STS: variants seen among roughly 807,000 people sequenced by gnomAD.
STS encodes the protein steryl-sulfatase.
Under a neutral mutation model 26.8 loss-of-function variants are expected in STS, and 7 were observed. The observed-to-expected ratio is 0.26, with a 90% CI of 0.15 to 0.49. The LOEUF (loss-of-function observed/expected upper bound fraction) is 0.49, where lower values mean the gene tolerates loss of function less well. Ranked by LOEUF, STS falls within the 20% of genes least tolerant of loss-of-function variation. STS has a pLI of 0.98. For missense variants in STS, 434 were observed against 465.6 expected, an observed-to-expected ratio of 0.93 and a Z score of 0.63; for synonymous variants, 199 against 189.4, an observed-to-expected ratio of 1.05 and a Z score of -0.42.
chrX:7,300,494 A>G (rs1439295667), intron 7 of STS, among the ~76,000 whole-genome samples: 3 of 112,088 alleles, frequency 2.7e-5, no homozygotes, highest in Non-Finnish European at 3.8e-5. Flanking sequence ...GGAGGGAAAC[A>G]TGTTAGACCT....
chrX:7,181,113 G>T (rs920939481), intron 1 of STS, among the ~76,000 whole-genome samples: 2 of 112,055 alleles, frequency 1.8e-5, no homozygotes, highest in Non-Finnish European at 3.8e-5. Flanking sequence ...AAACACAGTA[G>T]TCCTTAACCA....
chrX:7,151,273 T>C (rs1338584390), intron 1 of STS, among the ~76,000 whole-genome samples: 1 of 111,945 alleles, frequency 8.9e-6, no homozygotes, highest in African/African-American at 3.3e-5. Flanking sequence ...TGCCCTGTTA[T>C]TCTCTTTACT....
At chrX:7,267,152 T>C (rs1029599540) in intron 6 of STS, among the ~76,000 whole-genome samples, 1 of 112,045 alleles carries the variant, frequency 8.9e-6, no homozygotes, top group Non-Finnish European at 1.9e-5. Flanking sequence ...GGTAGACTTA[T>C]TGAGTGAGGA....
intron 2 of STS, among the ~76,000 whole-genome samples, chrX:7,214,939 A>C (rs949123754): frequency 1.1e-5 from 1 of 94,830 alleles, no homozygotes; most frequent in South Asian, 4.6e-4. Context: ...GTGTATATAT[A>C]TATACATATA....
chrX:7,164,987 T>C (rs1165340278), intron 1 of STS, among the ~76,000 whole-genome samples: 1 of 110,327 alleles, frequency 9.1e-6, no homozygotes, highest in Non-Finnish European at 1.9e-5. Flanking sequence ...GATTGTACCA[T>C]TGCACTCTAG....
intron 2 of STS, among the ~76,000 whole-genome samples, chrX:7,226,305 T>C (rs1442813563): frequency 8.9e-6 from 1 of 112,158 alleles, no homozygotes; most frequent in Non-Finnish European, 1.9e-5. Flanking sequence ...GAGATTCTTA[T>C]GTGTTGTTGC....
intron 7 of STS, among the ~76,000 whole-genome samples, chrX:7,282,387 G>A (rs1479282912): frequency 8.9e-6 from 1 of 111,840 alleles, no homozygotes; most frequent in African/African-American, 3.2e-5. Context: ...TTTTTGTAGA[G>A]ACAAGGTCTC....
chrX:7,175,357 G>A (rs567980402), intron 1 of STS, among the ~76,000 whole-genome samples: 2 of 110,338 alleles, frequency 1.8e-5, no homozygotes, highest in East Asian at 2.9e-4. Context: ...AGCCAGACAT[G>A]GTGGTACGTG....
At chrX:7,344,155 G>A (rs1307057799) in intron 10 of STS, among the ~76,000 whole-genome samples, 2 of 112,028 alleles carry the variant, frequency 1.8e-5, no homozygotes. Flanking sequence ...TTTGTGCTAT[G>A]ATAACTATTA....
intron 2 of STS, among the ~76,000 whole-genome samples, chrX:7,251,056 CTG>C (rs1476621262): frequency 8.9e-6 from 1 of 112,362 alleles, no homozygotes; most frequent in African/African-American, 3.2e-5. Flanking sequence ...ACATGCAAAT[CTG>C]TGTGTCTGTC....
rs148936399 is a variant in STS, at chrX:7,344,966, G to A, written c.1364-4922G>A. Among the ~76,000 whole-genome samples the A allele has an allele frequency of 3.3e-3, 365 of 111,161 alleles. 9 individuals are homozygous for A. In the East Asian group the frequency reaches 0.076, roughly 23 times the overall value. Reference sequence around the variant, plus strand: ...AGTGTCCTGGGGTCTGGACTGTGCCGAGCTGTGTTATGGACTGTTGTGACT... The same window carrying A: ...AGTGTCCTGGGGTCTGGACTGTGCCAAGCTGTGTTATGGACTGTTGTGACT... On this transcript the variant is annotated intron_variant, in intron 10 of 10. Coordinates refer to ENST00000674429, the MANE Select transcript of STS (RefSeq NM_001320752.2).
At chrX:7,283,112 G>T (rs181389353) in intron 7 of STS, among the ~76,000 whole-genome samples, 34 of 111,945 alleles carry the variant, frequency 3.0e-4, no homozygotes, top group Admixed American at 3.0e-3. Context: ...ATTTCCCTTG[G>T]GGTGTAATGC....
rs1928929417 is a variant in STS at position 7,354,476 on chromosome X, C to T, written c.*4215C>T. 1 of 111,803 alleles carries T rather than the reference C, an allele frequency of 8.9e-6. No homozygotes were observed. Among genetic ancestry groups the T allele is most frequent in the African/African-American group, 3.3e-5 (1 of 30,744 alleles). The allele number at this position is 111,803 out of a possible 1,213,427, so 9.2% of individuals were successfully genotyped here. On this transcript the variant is annotated 3_prime_UTR_variant, in exon 11 of 11. Transcript: ENST00000674429. ...GACAACATGAAACCTATTGGGACAG[C>T]ATGACTGTGCAGGGTCTTTAGAGCT...
chrX:7,324,008 C>G (rs1261692133), intron 8 of STS, among the ~76,000 whole-genome samples: 2 of 112,000 alleles, frequency 1.8e-5, no homozygotes, highest in Non-Finnish European at 3.8e-5. Flanking sequence ...GAGATTCATT[C>G]TGAGCCAAGT....
chrX:7,185,816 A>G lies in STS; in HGVS notation c.-133-5064A>G, dbSNP rs530762572. On this transcript the variant is annotated intron_variant, in intron 1 of 10. Coordinates refer to ENST00000674429, the MANE Select transcript of STS (RefSeq NM_001320752.2). Reference sequence around the variant, plus strand: ...TCAGGAAATTCCTATTTGCATGATGATGAATAGGTAAATTGAGTTAACATT... The same window carrying G: ...TCAGGAAATTCCTATTTGCATGATGGTGAATAGGTAAATTGAGTTAACATT... Among the ~76,000 whole-genome samples, 82 of 112,583 alleles carry G rather than the reference A, an allele frequency of 7.3e-4. 1 individual carries two copies. The highest frequency in any genetic ancestry group is 2.5e-3 in the African/African-American group (79 of 31,065).
intron 8 of STS, among the ~76,000 whole-genome samples, chrX:7,319,621 G>A (rs765293486): frequency 2.2e-4 from 24 of 110,098 alleles, no homozygotes; most frequent in African/African-American, 7.6e-4. Flanking sequence ...GGGAGGGTAC[G>A]AAATTCGCTC....
At chrX:7,214,972 GTATA>G (rs1471638743) in intron 2 of STS, among the ~76,000 whole-genome samples, 13 of 62,759 alleles carry the variant, frequency 2.1e-4, no homozygotes, top group Admixed American at 8.6e-4. Context: ...TATTATATAT[GTATA>G]TATACATATA....
At chrX:7,214,352 A>T (rs916376629) in intron 2 of STS, among the ~76,000 whole-genome samples, 2 of 111,428 alleles carry the variant, frequency 1.8e-5, no homozygotes, top group Non-Finnish European at 3.8e-5. Context: ...AAGCCTTCAC[A>T]TGGTCACAGT....
chrX:7,224,176 T>C (rs767532250), intron 2 of STS, among the ~76,000 whole-genome samples: 21 of 111,796 alleles, frequency 1.9e-4, no homozygotes, highest in Non-Finnish European at 3.4e-4. Flanking sequence ...AGCTCTCAGT[T>C]CTTCAATGAG....
Sources: allele counts gnomAD v4.1 joint callset (sites outside exome capture counted in the v4.1 genomes callset), GRCh38; gene constraint gnomAD v4.1.1; transcripts MANE v1.5; gene names NCBI Gene and HGNC (gene_info 2026-07-23, HGNC 2026-07-21).